The following PID1 variants were observed in gnomAD, a reference collection of about 807,000 sequenced individuals.
The protein encoded by PID1 is PTB-containing, cubilin and LRP1-interacting protein.
Under a neutral mutation model 19.1 loss-of-function variants are expected in PID1, and 10 were observed. The ratio of observed to expected loss-of-function variants is 0.52; its 90% CI spans 0.32 to 0.89. The LOEUF is 0.89. Among genes scored for constraint, PID1 ranks in the 40% least tolerant of loss-of-function variants. The pLI is 0.03. For missense variants in PID1, 248 were observed against 285.3 expected (o/e 0.87, Z 0.94); for synonymous variants, 130 against 116.0 (o/e 1.12, Z -0.78).
chr2:229,239,339 G>A (rs748103085), intron 1 of PID1, among the ~76,000 whole-genome samples: 4 of 152,066 alleles, frequency 2.6e-5, no homozygotes, highest in Non-Finnish European at 5.9e-5. Context: ...TTGGTTGAGA[G>A]GGAAAAGAGA....
At chr2:229,113,590 GCATATA>G (rs1695346729) in intron 2 of PID1, among the ~76,000 whole-genome samples, 1 of 97,412 alleles carries the variant, frequency 1.0e-5, no homozygotes, top group African/African-American at 3.7e-5. Flanking sequence ...ATGTGTGTAT[GCATATA>G]TGTGTGTGTG....
intron 2 of PID1, among the ~76,000 whole-genome samples, chr2:229,027,619 G>A (rs1277471872): frequency 6.6e-5 from 10 of 152,160 alleles, no homozygotes; most frequent in Non-Finnish European, 8.8e-5. Flanking sequence ...GAAGGCCTCA[G>A]GAAGAGGCAT....
chr2:229,089,050 A>G (rs1261614312), intron 2 of PID1, among the ~76,000 whole-genome samples: 1 of 152,186 alleles, frequency 6.6e-6, no homozygotes, highest in Non-Finnish European at 1.5e-5. Flanking sequence ...TGGCAACCAG[A>G]AGATAGGAAA....
At chr2:229,083,942 T>C (rs1224135302) in intron 2 of PID1, among the ~76,000 whole-genome samples, 2 of 152,208 alleles carry the variant, frequency 1.3e-5, no homozygotes, top group African/African-American at 2.4e-5. Flanking sequence ...TCCCAGATTT[T>C]TACATTCTTT....
chr2:229,239,458 G>A (rs1054454120), intron 1 of PID1, among the ~76,000 whole-genome samples: 2 of 152,144 alleles, frequency 1.3e-5, no homozygotes, highest in South Asian at 2.1e-4. Context: ...CGAACCCCCC[G>A]TGTCAATCAA....
At chr2:229,239,072 AG>A (rs1281691003) in intron 1 of PID1, among the ~76,000 whole-genome samples, 2 of 152,084 alleles carry the variant, frequency 1.3e-5, no homozygotes, top group Non-Finnish European at 2.9e-5. Context: ...CAAAAGGATG[AG>A]AAAAAAATGA....
intron 2 of PID1, among the ~76,000 whole-genome samples, chr2:229,075,221 A>C (rs1694533880): frequency 2.0e-5 from 3 of 152,234 alleles, no homozygotes; most frequent in Non-Finnish European, 1.5e-5. Context: ...TCAAAATTCA[A>C]AATTCAAAGT....
intron 1 of PID1, among the ~76,000 whole-genome samples, chr2:229,220,212 T>A (rs1049638761): frequency 3.3e-5 from 5 of 151,764 alleles, no homozygotes; most frequent in African/African-American, 9.7e-5. Context: ...ATAGACAGAG[T>A]CTTACTATGT....
intron 1 of PID1, among the ~76,000 whole-genome samples, chr2:229,194,437 A>G (rs935932949): frequency 1.3e-5 from 2 of 152,018 alleles, no homozygotes; most frequent in Non-Finnish European, 2.9e-5. Flanking sequence ...AAGAACTTAA[A>G]AAAAAATAAA....
intron 2 of PID1, among the ~76,000 whole-genome samples, chr2:229,046,088 C>A (rs911270734): frequency 2.6e-5 from 4 of 152,138 alleles, no homozygotes; most frequent in Admixed American, 6.5e-5. Context: ...TTTGCAGCGT[C>A]TCACATATTC....
intron 2 of PID1, among the ~76,000 whole-genome samples, chr2:229,077,652 A>G (rs535479283): frequency 1.3e-5 from 2 of 152,128 alleles, no homozygotes; most frequent in South Asian, 2.1e-4. Flanking sequence ...ATCCTCTCCC[A>G]ATTGCTTGTT....
intron 1 of PID1, among the ~76,000 whole-genome samples, chr2:229,213,963 TGAA>T (rs1299868438): frequency 2.6e-5 from 4 of 152,220 alleles, no homozygotes; most frequent in Non-Finnish European, 5.9e-5. Context: ...ACTTTGAACA[TGAA>T]GAAGACCTTC....
At chr2:229,037,899 G>A (rs1246590311) in intron 2 of PID1, among the ~76,000 whole-genome samples, 1 of 152,182 alleles carries the variant, frequency 6.6e-6, no homozygotes, top group Admixed American at 6.5e-5. Flanking sequence ...CACTGCTTGA[G>A]TCATCCTGAC....
intron 2 of PID1, among the ~76,000 whole-genome samples, chr2:229,106,092 G>T (rs1408724025): frequency 1.3e-5 from 1 of 76,398 alleles, no homozygotes; most frequent in Admixed American, 1.4e-4. Flanking sequence ...AAAAAAAAGG[G>T]AAAAGAAGAA....
At chr2:229,098,693 T>C (rs1308851208) in intron 2 of PID1, among the ~76,000 whole-genome samples, 1 of 152,202 alleles carries the variant, frequency 6.6e-6, no homozygotes, top group Non-Finnish European at 1.5e-5. Flanking sequence ...ATGATTATTC[T>C]TCTTTCTGAG....
At chr2:229,256,572 A>G (rs929696932) in intron 1 of PID1, among the ~76,000 whole-genome samples, 6 of 152,202 alleles carry the variant, frequency 3.9e-5, no homozygotes, top group African/African-American at 1.4e-4. Context: ...AATCAGCCTG[A>G]CTTTGTTTCA....
At chr2:229,214,283 G>A (rs540330625) in intron 1 of PID1, among the ~76,000 whole-genome samples, 1 of 152,170 alleles carries the variant, frequency 6.6e-6, no homozygotes, top group South Asian at 2.1e-4. Flanking sequence ...CATCTTACTT[G>A]GGGGTATTTT....
intron 1 of PID1, among the ~76,000 whole-genome samples, chr2:229,242,678 T>C (rs2106277349): frequency 6.6e-6 from 1 of 152,262 alleles, no homozygotes; most frequent in Admixed American, 6.5e-5. Context: ...CCTTAAAACA[T>C]TTCCCTGCTT....
intron 2 of PID1, among the ~76,000 whole-genome samples, chr2:229,043,386 T>C (rs1470352112): frequency 6.6e-6 from 1 of 152,164 alleles, no homozygotes; most frequent in African/African-American, 2.4e-5. Context: ...TAGAGGCTTA[T>C]GGATTGTAAT....
Sources: gnomAD v4.1 joint callset for allele counts (sites outside exome capture counted in the v4.1 genomes callset) on GRCh38, gnomAD v4.1.1 for gene constraint, MANE v1.5 for transcripts, NCBI Gene and HGNC (gene_info 2026-07-23, HGNC 2026-07-21) for gene names.